The following NLRP2 variants were observed in gnomAD, a reference collection of about 807,000 sequenced individuals.
NLRP2 encodes NACHT, LRR and PYD domains-containing protein 2.
Under a neutral mutation model 97.2 loss-of-function variants are expected in NLRP2, and 107 were observed. The observed-to-expected ratio is 1.10, with a 90% confidence interval of 0.94 to 1.29. The LOEUF (loss-of-function observed/expected upper bound fraction) is 1.29, where lower values mean the gene tolerates loss of function less well. Among genes scored for constraint, NLRP2 ranks in the 50% most tolerant of loss-of-function variants. NLRP2 has a pLI of 0.00. For missense variants in NLRP2, 1,495 were observed against 1,330.3 expected, an observed-to-expected ratio of 1.12 and a Z score of -1.93; for synonymous variants, 663 against 551.5, an observed-to-expected ratio of 1.20 and a Z score of -2.83.
At chr19:54,998,543 G>A (rs1294082225) in intron 12 of NLRP2, among the ~76,000 whole-genome samples, 2 of 114,014 alleles carry the variant, frequency 1.8e-5, no homozygotes, top group Non-Finnish European at 3.7e-5. Context: ...CTTTAAGTTT[G>A]TTTGTTTGTT....
intron 4 of NLRP2, among the ~76,000 whole-genome samples, 182 bp downstream of exon 4, chr19:54,978,005 G>T (rs184546181): frequency 6.6e-6 from 1 of 152,134 alleles, no homozygotes; most frequent in South Asian, 2.1e-4. Context: ...AAGAACGAAC[G>T]TTGCAGAGAA....
Position 54,982,832 on chromosome 19 carries a change from C to T in NLRP2, c.1134C>T (p.Ala378=). The T allele has an allele frequency of 6.2e-7, 1 of 1,613,650 alleles. No individual in the cohort carries two copies. The highest frequency in any genetic ancestry group is 8.5e-7 in the Non-Finnish European group (1 of 1,179,950). Residue 378 remains alanine (A), a synonymous_variant, in exon 6 of 13, where the codon GCC becomes GCT. Coordinates refer to ENST00000448584, the MANE Select transcript of NLRP2 (RefSeq NM_017852.5). ...GACACTTTGGAGACGAGGACCAAGCCATGCGTGCCTTTGAGCTAATGAGGA... is the reference window on the plus strand; with the variant it reads ...GACACTTTGGAGACGAGGACCAAGCTATGCGTGCCTTTGAGCTAATGAGGA... The part of the protein sequence containing the change: ...FLRHFGDEDQ[A]MRAFELMRSN...
chr19:54,969,887 A>G, intron 1 of NLRP2, 112 bp from the exon 2 acceptor site: 16 of 1,065,534 alleles, frequency 1.5e-5, no homozygotes, highest in Middle Eastern at 5.8e-4. Flanking sequence ...TTGTTCTTGA[A>G]GAAGCAGGGT....
At chr19:54,976,467 C>T (rs1347025186) in intron 3 of NLRP2, among the ~76,000 whole-genome samples, 1 of 151,960 alleles carries the variant, frequency 6.6e-6, no homozygotes, top group Admixed American at 6.6e-5. Flanking sequence ...CTGCCTTAGC[C>T]TCCCAAGTAG....
chr19:54,975,118 T>TTTTTTTTTTTG (rs2071129302), intron 3 of NLRP2, among the ~76,000 whole-genome samples: 1 of 22,476 alleles, frequency 4.4e-5, no homozygotes, highest in Non-Finnish European at 7.9e-5. Context: ...TTTTTTTTTT[T>TTTTTTTTTTTG]TTTTTTTTTT....
intron 4 of NLRP2, 88 bp from the exon 5 acceptor site, chr19:54,981,529 C>CCCCCCCCCCCCCCCCCCTCT: frequency 1.7e-6 from 1 of 589,350 alleles, no homozygotes; most frequent in Non-Finnish European, 3.3e-6. Context: ...CCCCCCGCCC[C>CCCCCCCCCCCCCCCCCCTCT]ATCAGCCTGC....
At chr19:54,971,533 ATC>A (rs1369139592) in intron 2 of NLRP2, among the ~76,000 whole-genome samples, 1 of 151,820 alleles carries the variant, frequency 6.6e-6, no homozygotes, top group Non-Finnish European at 1.5e-5. Context: ...GTGAGATGAT[ATC>A]TCATAGTGGT....
intron 10 of NLRP2, chr19:54,993,991 T>C: frequency 1.9e-6 from 1 of 536,306 alleles, no homozygotes; most frequent in East Asian, 3.3e-5. Context: ...TGAGGATCCC[T>C]GTGATTGCTG....
chr19:54,971,592 A>G lies in NLRP2; in HGVS notation c.280+1297A>G, dbSNP rs569790526. Reference sequence around the variant, plus strand: ...GGCCAGTGATGATGAGCATTTTTTCATGTGTTTTTTGGCTGCATAAATGTC... The same window carrying G: ...GGCCAGTGATGATGAGCATTTTTTCGTGTGTTTTTTGGCTGCATAAATGTC... On this transcript the variant is annotated intron_variant, in intron 2 of 12. Coordinates refer to ENST00000448584, the MANE Select transcript of NLRP2 (RefSeq NM_017852.5). Among the ~76,000 whole-genome samples the G allele has an allele frequency of 1.1e-3, 173 of 151,204 alleles. 2 individuals are homozygous for G. Among genetic ancestry groups the G allele is most frequent in the Middle Eastern group, 3.4e-3 (1 of 294 alleles).
intron 2 of NLRP2, among the ~76,000 whole-genome samples, chr19:54,970,833 T>TA (rs2070804920): frequency 1.3e-5 from 2 of 149,040 alleles, no homozygotes; most frequent in African/African-American, 4.9e-5. Flanking sequence ...TTATTTTTTT[T>TA]ATTATACTTT....
intron 2 of NLRP2, among the ~76,000 whole-genome samples, chr19:54,973,348 T>TTG (rs1344171866): frequency 7.1e-6 from 1 of 140,516 alleles, no homozygotes; most frequent in Admixed American, 7.2e-5. Flanking sequence ...GTGAGGGTTT[T>TTG]TTTTTTTTTT....
rs1395258385 is a variant in NLRP2 at position 54,992,502 on chromosome 19, G to A, written c.2709-1767G>A. On this transcript the variant is annotated intron_variant, in intron 10 of 12. Transcript: ENST00000448584. ...ATGAATGTCTAGTTTTTTTGGTTGT[G>A]TGTGTGTGTGGTGTGTGGTGTGTGT... Among the ~76,000 whole-genome samples the A allele has an allele frequency of 2.1e-5, 3 of 140,468 alleles. No homozygotes were observed. The Admixed American group carries it at 2.2e-4, about 10-fold the overall frequency. The allele number at this position is 140,468 out of a possible 152,430, so 92.2% of individuals were successfully genotyped here.
At position 54,983,724 on chromosome 19, in the gene NLRP2, G is replaced by A; in HGVS notation, c.2026G>A (p.Glu676Lys). 1 of 1,610,256 alleles carries A rather than the reference G, an allele frequency of 6.2e-7. No homozygotes were observed. Residue 676 changes from glutamate to lysine, a missense_variant, in exon 6 of 13, where the codon GAG becomes AAG. By Grantham distance (56) the Glu-to-Lys change is moderately conservative. Coordinates refer to ENST00000448584, the MANE Select transcript of NLRP2 (RefSeq NM_017852.5). ...VTASESDAEV[E>K]RSQDDQHMLP... The stretch of plus-strand genomic sequence containing the variant: ...TGCGTCTGAATCAGACGCCGAGGTT[G>A]AGAGGTGAGAACCGTTTCACTCTAC...
Position 54,994,369 on chromosome 19 carries a change from A to G in NLRP2, c.2809A>G (p.Ile937Val), listed in dbSNP as rs549386720. 4 of 1,614,060 alleles carry G rather than the reference A, an allele frequency of 2.5e-6. No individual in the cohort carries two copies. Among genetic ancestry groups the G allele is most frequent in the Admixed American group, 1.7e-5 (1 of 60,012 alleles). The part of the protein sequence containing the change: ...LLCLDLGLNH[I>V]GVKGMKFLCE... The stretch of plus-strand genomic sequence containing the variant: ...GTGTTTGGATCTGGGGCTGAATCAC[A>G]TAGGAGTTAAGGGAATGAAGTTCCT... Residue 937 changes from isoleucine (I) to valine (V), a missense_variant, in exon 11 of 13, where the codon ATA becomes GTA. Coordinates refer to ENST00000448584, the MANE Select transcript of NLRP2 (RefSeq NM_017852.5).
chr19:54,992,556 C>CTTTTTTTTTTTTTTTTTTTT (rs71181721), intron 10 of NLRP2, among the ~76,000 whole-genome samples: 2 of 82,540 alleles, frequency 2.4e-5, no homozygotes, highest in Non-Finnish European at 4.1e-5. Flanking sequence ...GGGGGGTTTT[C>CTTTTTTTTTTTTTTTTTTTT]TTTTTTTTTT....
At chr19:54,976,122 C>G (rs889674091) in intron 3 of NLRP2, among the ~76,000 whole-genome samples, 1 of 151,672 alleles carries the variant, frequency 6.6e-6, no homozygotes, top group Non-Finnish European at 1.5e-5. Flanking sequence ...GATCTCAGCT[C>G]ACTGCAACCT....
Position 54,982,852 on chromosome 19 carries a change from T to C in NLRP2, c.1154T>C (p.Met385Thr). The C allele has an allele frequency of 3.1e-6, 5 of 1,613,208 alleles. No individual in the cohort carries two copies. The highest frequency in any genetic ancestry group is 4.2e-6 in the Non-Finnish European group (5 of 1,179,928). Residue 385 changes from methionine to threonine, a missense_variant, in exon 6 of 13, where the codon ATG (methionine) becomes ACG (threonine). Physicochemically the swap from Met to Thr is moderately conservative, Grantham distance 81 (BLOSUM62 -1). Transcript: ENST00000448584. ...CAAGCCATGCGTGCCTTTGAGCTAATGAGGAGCAACGCGGCCCTGTTCCAG... is the reference window on the plus strand; with the variant it reads ...CAAGCCATGCGTGCCTTTGAGCTAACGAGGAGCAACGCGGCCCTGTTCCAG... ...EDQAMRAFEL[M>T]RSNAALFQLG...
intron 10 of NLRP2, among the ~76,000 whole-genome samples, chr19:54,992,551 G>GT (rs1352367401): frequency 1.8e-3 from 43 of 23,956 alleles, no homozygotes; most frequent in Non-Finnish European, 2.5e-3. Flanking sequence ...GGGGGGGGGG[G>GT]TTTTCTTTTT....
rs375585339 is a variant in NLRP2, at chr19:54,970,398, C to T, written c.280+103C>T. The T allele has an allele frequency of 5.0e-6, 7 of 1,411,730 alleles. No individual in the cohort carries two copies. In the African/African-American group the frequency reaches 8.4e-5, roughly 17 times the overall value. 87.5% of individuals were successfully genotyped at this position (1,411,730 alleles called of 1,614,324 possible). On this transcript the variant is annotated intron_variant, in intron 2 of 12. Transcript: ENST00000448584. ...AGGCGCGCTGGCTCACGCCTGTCGT[C>T]CCAGCCCTTTGGGAGGCTGAGGCGG... is the stretch of plus-strand genomic sequence containing the variant.
Sources: allele counts gnomAD v4.1 joint callset (sites outside exome capture counted in the v4.1 genomes callset), GRCh38; gene constraint gnomAD v4.1.1; transcripts MANE v1.5; gene names NCBI Gene and HGNC (gene_info 2026-07-23, HGNC 2026-07-21).